The following DNAL1 variants were observed in gnomAD, a reference collection of about 807,000 sequenced individuals.
DNAL1 encodes dynein axonemal light chain 1, also known as chromosome 14 open reading frame 168.
Under a neutral mutation model 29.4 loss-of-function variants are expected in DNAL1, and 17 were observed. That is an observed-to-expected ratio of 0.58 (90% CI 0.40 to 0.87). The LOEUF (loss-of-function observed/expected upper bound fraction) is 0.87. Ranked by LOEUF, DNAL1 falls within the 40% of genes least tolerant of loss-of-function variation. The pLI is 0.00. For synonymous variants in DNAL1, 78 were observed against 76.3 expected, an observed-to-expected ratio of 1.02 and a Z score of -0.12; for missense variants, 188 against 214.1, an observed-to-expected ratio of 0.88 and a Z score of 0.76.
At position 73,681,733 on chromosome 14, in the gene DNAL1, T is replaced by C. The variant is rs116290423; in HGVS notation, c.265-5526T>C. On this transcript the variant is annotated intron_variant, in intron 5 of 7. Transcript: ENST00000553645. ...TTGCTTGAGCCCAGGAGTTAGAGTT[T>C]GCAGTGAGCTCTGATCACACCACTG... is the stretch of plus-strand genomic sequence containing the variant. Among the ~76,000 whole-genome samples, 1,187 of 148,926 alleles carry C rather than the reference T, an allele frequency of 8.0e-3. 23 individuals are homozygous for C. The highest frequency in any genetic ancestry group is 0.028 in the African/African-American group (1,123 of 39,858).
At chr14:73,687,467 A>G in intron 6 of DNAL1, 82 bp downstream of exon 6, 1 of 1,412,866 alleles carries the variant, frequency 7.1e-7, no homozygotes, top group South Asian at 1.8e-5. Flanking sequence ...GCAAAACGAG[A>G]ACGTTTATTT....
At chr14:73,677,866 A>G (rs12434111) in intron 5 of DNAL1, among the ~76,000 whole-genome samples, 4 of 123,654 alleles carry the variant, frequency 3.2e-5, no homozygotes, top group Non-Finnish European at 6.5e-5. Flanking sequence ...CCATATATTT[A>G]TATATATATA....
rs566123006 is a variant in DNAL1, at chr14:73,655,493, G to T, written c.42+608G>T. Among the ~76,000 whole-genome samples the T allele has an allele frequency of 2.6e-5, 4 of 151,510 alleles. No homozygotes were observed. The South Asian group carries it at 8.4e-4, about 32-fold the overall frequency. The stretch of plus-strand genomic sequence containing the variant: ...CCGAGTAGCTGGATTACAGGCACGC[G>T]CCACAATGCCCGGCTAATTTTTTTT... On this transcript the variant is annotated intron_variant, in intron 2 of 7. Transcript: ENST00000553645.
At chr14:73,663,050 T>G (rs187057954) in intron 4 of DNAL1, among the ~76,000 whole-genome samples, 181 of 152,222 alleles carry the variant, frequency 1.2e-3, no homozygotes, top group African/African-American at 4.2e-3. Context: ...TAGGTCATGT[T>G]CTTCAAACAT....
chr14:73,686,808 G>A lies in DNAL1; in HGVS notation c.265-451G>A, dbSNP rs113427739. Among the ~76,000 whole-genome samples, 1,137 of 152,250 alleles carry A rather than the reference G, an allele frequency of 7.5e-3. 13 individuals are homozygous for A. The highest frequency in any genetic ancestry group is 0.026 in the African/African-American group (1,061 of 41,548). On this transcript the variant is annotated intron_variant, in intron 5 of 7. Transcript: ENST00000553645. ...ACCTAGCTCTATTATTTAATAGTGT[G>A]TTCTTAGAAAAAGCCCTTAATCCCT...
At chr14:73,661,893 A>C in intron 3 of DNAL1, 94 bp from the exon 4 acceptor site, 2 of 732,858 alleles carry the variant, frequency 2.7e-6, no homozygotes, top group South Asian at 2.4e-5. Context: ...AATATTACTT[A>C]AATATTATCT....
At chr14:73,645,878 C>T (rs1890965137) in intron 1 of DNAL1, among the ~76,000 whole-genome samples, 1 of 152,118 alleles carries the variant, frequency 6.6e-6, no homozygotes. Context: ...GATTGCAGAC[C>T]CAGCCAGAGC....
chr14:73,663,781 C>G (rs533125835), intron 4 of DNAL1, among the ~76,000 whole-genome samples: 5 of 152,174 alleles, frequency 3.3e-5, no homozygotes, highest in Admixed American at 1.3e-4. Context: ...AAAGAAAGCT[C>G]TCTGCAGTGG....
intron 6 of DNAL1, among the ~76,000 whole-genome samples, chr14:73,688,089 A>G (rs1289617260): frequency 1.3e-5 from 2 of 152,230 alleles, no homozygotes; most frequent in Non-Finnish European, 1.5e-5. Flanking sequence ...AATTTAAGCT[A>G]TTATCCAAAG....
chr14:73,679,649 TTC>T (rs1020159828), intron 5 of DNAL1, among the ~76,000 whole-genome samples: 2 of 152,202 alleles, frequency 1.3e-5, no homozygotes, highest in African/African-American at 2.4e-5. Context: ...CTGATATATT[TTC>T]TCTTAGTTTG....
chr14:73,677,930 T>G (rs1891786423), intron 5 of DNAL1, among the ~76,000 whole-genome samples: 1 of 142,094 alleles, frequency 7.0e-6, no homozygotes, highest in Non-Finnish European at 1.5e-5. Context: ...GTGGTCTGAC[T>G]TTGTCACCCA....
intron 4 of DNAL1, among the ~76,000 whole-genome samples, chr14:73,669,014 A>T (rs142697121): frequency 2.2e-4 from 34 of 152,096 alleles, no homozygotes; most frequent in African/African-American, 7.5e-4. Flanking sequence ...CTCTGTGTCT[A>T]TGTCCAAATT....
At chr14:73,668,847 T>A (rs1891547889) in intron 4 of DNAL1, among the ~76,000 whole-genome samples, 1 of 152,064 alleles carries the variant, frequency 6.6e-6, no homozygotes, top group South Asian at 2.1e-4. Context: ...CAGCTAATTT[T>A]TTTATTTTTA....
chr14:73,685,389 T>C (rs1393855058), intron 5 of DNAL1, among the ~76,000 whole-genome samples: 1 of 152,200 alleles, frequency 6.6e-6, no homozygotes, highest in Non-Finnish European at 1.5e-5. Flanking sequence ...GTGACTGGCT[T>C]ATTTAACTTA....
Position 73,702,080 on chromosome 14 carries a change from T to TGTGTG in DNAL1, c.*6139_*6143dup, listed in dbSNP as rs1892449987. 1 of 82,734 alleles carries TGTGTG rather than the reference T, an allele frequency of 1.2e-5. No individual in the cohort carries two copies. Among genetic ancestry groups the TGTGTG allele is most frequent in the African/African-American group, 3.6e-5 (1 of 27,466 alleles). The allele number at this position is 82,734 out of a possible 1,614,324, so 5.1% of individuals were successfully genotyped here. On this transcript the variant is annotated 3_prime_UTR_variant, in exon 8 of 8. Coordinates refer to ENST00000553645, the MANE Select transcript of DNAL1 (RefSeq NM_031427.4). Reference sequence around the variant, plus strand: ...AACATGTACCATGCAGTTTGTGTGGTGTGTGTGTGTGTGTGTGTGTGTGTG... The same window carrying TGTGTG: ...AACATGTACCATGCAGTTTGTGTGGTGTGTGGTGTGTGTGTGTGTGTGTGTGTGTG...
At chr14:73,676,984 T>TA (rs1555402311) in intron 5 of DNAL1, among the ~76,000 whole-genome samples, 2 of 147,416 alleles carry the variant, frequency 1.4e-5, no homozygotes, top group African/African-American at 2.5e-5. Context: ...TTTTTTTTTT[T>TA]AATTGAGATG....
At chr14:73,678,656 T>C (rs568235132) in intron 5 of DNAL1, among the ~76,000 whole-genome samples, 99 of 152,220 alleles carry the variant, frequency 6.5e-4, no homozygotes, top group Non-Finnish European at 1.2e-3. Flanking sequence ...TATTTCTTTG[T>C]CCCACCTATT....
At chr14:73,672,134 A>C (rs551277957) in intron 5 of DNAL1, among the ~76,000 whole-genome samples, 1 of 152,324 alleles carries the variant, frequency 6.6e-6, no homozygotes, top group South Asian at 2.1e-4. Context: ...AAAACAGGCT[A>C]ACATGACCAT....
At chr14:73,650,079 G>T (rs1891079365) in intron 1 of DNAL1, among the ~76,000 whole-genome samples, 1 of 152,118 alleles carries the variant, frequency 6.6e-6, no homozygotes, top group East Asian at 1.9e-4. Flanking sequence ...GAACTCCTGG[G>T]CTCAAATAGT....
Sources: allele counts gnomAD v4.1 joint callset (sites outside exome capture counted in the v4.1 genomes callset), GRCh38; gene constraint gnomAD v4.1.1; transcripts MANE v1.5; gene names NCBI Gene and HGNC (gene_info 2026-07-23, HGNC 2026-07-21).